Variants in ATP10B observed in about 807,000 individuals in gnomAD.
The protein encoded by ATP10B is ATPase phospholipid transporting 10B (putative).
In ATP10B, 122 loss-of-function variants were observed where a neutral mutation model predicts 141.2. The observed-to-expected ratio is 0.86, with a 90% confidence interval of 0.75 to 1.00. The LOEUF is 1.00. Among genes scored for constraint, ATP10B ranks in the 50% least tolerant of loss-of-function variants. ATP10B has a pLI of 0.00. For synonymous variants in ATP10B, 685 were observed against 692.0 expected (o/e 0.99, Z 0.16); for missense variants, 1,876 against 1,825.3 (o/e 1.03, Z -0.51).
chr5:160,779,188 A>G (rs1770554406), intron 2 of ATP10B, among the ~76,000 whole-genome samples: 1 of 152,182 alleles, frequency 6.6e-6, no homozygotes, highest in Admixed American at 6.5e-5. Flanking sequence ...TACTTTTCAA[A>G]ACAATTCTCT....
intron 2 of ATP10B, among the ~76,000 whole-genome samples, chr5:160,783,562 TACACACAC>T (rs57796332): frequency 0.021 from 2,692 of 131,272 alleles, 46 homozygotes; most frequent in Non-Finnish European, 0.03. Context: ...ATATATATGA[TACACACAC>T]ACACACACAC....
intron 1 of ATP10B, among the ~76,000 whole-genome samples, chr5:160,818,548 G>A (rs1285759279): frequency 1.3e-5 from 2 of 152,208 alleles, no homozygotes; most frequent in Non-Finnish European, 2.9e-5. Context: ...TACACTGTTG[G>A]TGGGACTGTA....
chr5:160,598,026 C>T (rs183556987), intron 22 of ATP10B, among the ~76,000 whole-genome samples: 1 of 62,950 alleles, frequency 1.6e-5, no homozygotes, highest in African/African-American at 4.1e-5. Flanking sequence ...CCATTTGACC[C>T]AGCCATCCTG....
chr5:160,621,891 C>G (rs1451930292), intron 14 of ATP10B, among the ~76,000 whole-genome samples: 3 of 152,172 alleles, frequency 2.0e-5, no homozygotes, highest in Non-Finnish European at 2.9e-5. Context: ...TATATAAAAA[C>G]AGAGAGCAAT....
At chr5:160,702,273 A>T (rs1048018091) in intron 3 of ATP10B, among the ~76,000 whole-genome samples, 11 of 152,212 alleles carry the variant, frequency 7.2e-5, no homozygotes, top group Admixed American at 7.2e-4. Context: ...TTGGGCTTGT[A>T]TTGTAATGGT....
intron 1 of ATP10B, among the ~76,000 whole-genome samples, chr5:160,825,418 T>A (rs4549570): frequency 1.3e-5 from 2 of 152,164 alleles, no homozygotes; most frequent in East Asian, 1.9e-4. Flanking sequence ...AAACCCTTTC[T>A]CTTGGCTCCT....
At chr5:160,828,498 C>T (rs1297450802) in intron 1 of ATP10B, among the ~76,000 whole-genome samples, 2 of 152,022 alleles carry the variant, frequency 1.3e-5, no homozygotes, top group African/African-American at 2.4e-5. Flanking sequence ...AAATCAAAAC[C>T]ACAATGAGAT....
chr5:160,809,834 C>G (rs1326894758), intron 1 of ATP10B, among the ~76,000 whole-genome samples: 1 of 152,126 alleles, frequency 6.6e-6, no homozygotes, highest in African/African-American at 2.4e-5. Context: ...GGGATCGGGA[C>G]TGAGAGATTT....
intron 2 of ATP10B, among the ~76,000 whole-genome samples, chr5:160,743,357 A>G (rs375565764): frequency 7.7e-4 from 118 of 152,354 alleles, no homozygotes; most frequent in African/African-American, 2.2e-3. Context: ...ATTTAAAAAT[A>G]TAAAGTAAAA....
At chr5:160,661,797 G>A (rs889230573) in intron 7 of ATP10B, among the ~76,000 whole-genome samples, 6 of 152,126 alleles carry the variant, frequency 3.9e-5, no homozygotes, top group African/African-American at 1.2e-4. Flanking sequence ...GTTCTGGCCA[G>A]GGCAATCAGG....
intron 6 of ATP10B, among the ~76,000 whole-genome samples, chr5:160,679,583 C>T (rs998837322): frequency 6.6e-6 from 1 of 152,244 alleles, no homozygotes; most frequent in Non-Finnish European, 1.5e-5. Flanking sequence ...ACTTCTGTGT[C>T]CCTTTGCAGG....
At chr5:160,631,750 AG>A (rs2127661904) in intron 13 of ATP10B, among the ~76,000 whole-genome samples, 1 of 152,326 alleles carries the variant, frequency 6.6e-6, no homozygotes, top group South Asian at 2.1e-4. Flanking sequence ...CGGGATACAT[AG>A]AGAAGGTGGG....
chr5:160,822,995 TATATAC>T (rs200956154), intron 1 of ATP10B, among the ~76,000 whole-genome samples: 5,455 of 75,882 alleles, frequency 0.072, 197 homozygotes, highest in Non-Finnish European at 0.085. Context: ...TATACATATA[TATATAC>T]ATATATATAT....
intron 24 of ATP10B, among the ~76,000 whole-genome samples, chr5:160,571,839 G>A (rs766447703): frequency 3.3e-5 from 5 of 152,138 alleles, no homozygotes; most frequent in African/African-American, 7.2e-5. Flanking sequence ...TTTCCCCAGG[G>A]CAAATTGGTG....
At chr5:160,757,012 T>C (rs1437659385) in intron 2 of ATP10B, among the ~76,000 whole-genome samples, 1 of 152,188 alleles carries the variant, frequency 6.6e-6, no homozygotes. Context: ...TTTAAAGGAA[T>C]CTTCACTGAG....
intron 15 of ATP10B, among the ~76,000 whole-genome samples, chr5:160,618,454 T>C (rs899691137): frequency 2.0e-5 from 3 of 152,214 alleles, no homozygotes; most frequent in Non-Finnish European, 2.9e-5. Context: ...TGAGGTCTTA[T>C]ATCAAATTAG....
intron 2 of ATP10B, among the ~76,000 whole-genome samples, chr5:160,724,388 G>T (rs901578789): frequency 5.3e-5 from 8 of 151,512 alleles, no homozygotes; most frequent in Admixed American, 2.0e-4. Context: ...CCCCCAAAGT[G>T]CTGGAATTAC....
intron 2 of ATP10B, among the ~76,000 whole-genome samples, chr5:160,752,173 CTTTTT>C (rs561913092): frequency 1.0e-3 from 126 of 123,298 alleles, no homozygotes; most frequent in African/African-American, 3.0e-3. Context: ...AGTCCCCCTA[CTTTTT>C]TTTTTTTTTT....
intron 13 of ATP10B, among the ~76,000 whole-genome samples, chr5:160,628,022 G>T (rs1195967097): frequency 6.6e-6 from 1 of 152,208 alleles, no homozygotes; most frequent in Non-Finnish European, 1.5e-5. Flanking sequence ...CCTGGTTGCT[G>T]GGGAGCTGGA....
Sources: gnomAD v4.1 joint callset for allele counts (sites outside exome capture counted in the v4.1 genomes callset) on GRCh38, gnomAD v4.1.1 for gene constraint, MANE v1.5 for transcripts, NCBI Gene and HGNC (gene_info 2026-07-23, HGNC 2026-07-21) for gene names.